PCDHGA3: variants seen among roughly 807,000 people sequenced by gnomAD.
PCDHGA3 encodes protocadherin gamma-A3.
PCDHGA3 carries 40 observed loss-of-function variants against 58.5 expected under a neutral mutation model. The observed-to-expected ratio is 0.68, with a 90% confidence interval of 0.53 to 0.89. The LOEUF (loss-of-function observed/expected upper bound fraction) is 0.89. PCDHGA3 is among the 40% of genes least tolerant of loss of function. The pLI is 0.00. For missense variants in PCDHGA3, 1,223 were observed against 1,195.9 expected (o/e 1.02, Z -0.33); for synonymous variants, 530 against 525.7 (o/e 1.01, Z -0.11).
chr5:141,390,182 A>G (rs771358768), intron 1 of PCDHGA3: 5 of 1,613,870 alleles, frequency 3.1e-6, no homozygotes, highest in Non-Finnish European at 1.7e-6. Flanking sequence ...ATTTCCTAAA[A>G]TGTAGTGAGC....
At chr5:141,458,662 C>A (rs948275548) in intron 1 of PCDHGA3, among the ~76,000 whole-genome samples, 2 of 152,064 alleles carry the variant, frequency 1.3e-5, no homozygotes, top group Non-Finnish European at 2.9e-5. Flanking sequence ...CTCCACCTCT[C>A]GGGTTCAAGC....
At chr5:141,402,962 C>A (rs1482027682) in intron 1 of PCDHGA3, 2 of 1,604,618 alleles carry the variant, frequency 1.2e-6, no homozygotes, top group African/African-American at 2.7e-5. Flanking sequence ...AATGGCAGCT[C>A]CAACCAAATG....
chr5:141,394,679 C>T (rs532730881), intron 1 of PCDHGA3: 1 of 1,612,552 alleles, frequency 6.2e-7, no homozygotes, highest in African/African-American at 1.3e-5. Context: ...TGGGTCTGCA[C>T]ACGGGCGAGG....
rs755169934 is a variant in PCDHGA3 at position 141,384,350 on chromosome 5, A to T, written c.2424+37893A>T. On this transcript the variant is annotated intron_variant, in intron 1 of 3. Coordinates refer to ENST00000253812, the MANE Select transcript of PCDHGA3 (RefSeq NM_018916.4). Reference sequence around the variant, plus strand: ...GCACAGGACCACGACAGTGAGGATAATGCCCAGATCACTTATTCCTTGGCC... The same window carrying T: ...GCACAGGACCACGACAGTGAGGATATTGCCCAGATCACTTATTCCTTGGCC... The T allele has an allele frequency of 1.9e-6, 3 of 1,613,690 alleles. No homozygotes were observed. In the African/African-American group the frequency reaches 4.0e-5, roughly 22 times the overall value.
chr5:141,394,865 G>T (rs2093117021), intron 1 of PCDHGA3: 1 of 1,613,816 alleles, frequency 6.2e-7, no homozygotes, highest in Non-Finnish European at 8.5e-7. Flanking sequence ...CGGTCGACCC[G>T]AACGATTCGA....
intron 1 of PCDHGA3, among the ~76,000 whole-genome samples, chr5:141,369,728 G>A (rs948180332): frequency 2.0e-5 from 3 of 152,180 alleles, no homozygotes; most frequent in Admixed American, 2.0e-4. Context: ...GAAGTTAGAA[G>A]TAAAGGAAAT....
rs539727453 is a variant in PCDHGA3 at position 141,487,510 on chromosome 5, C to G, written c.2425-7297C>G. ...GCTGTACACCCTTGGCTTCTGCACC[C>G]ACTCGGAGTGATAGCTTCATGATGG... On this transcript the variant is annotated intron_variant, in intron 1 of 3. Coordinates refer to ENST00000253812, the MANE Select transcript of PCDHGA3 (RefSeq NM_018916.4). This position sits in a 1 kb window ranked among gnomAD's most constrained non-coding sequence, Gnocchi z 5.0. The G allele has an allele frequency of 2.5e-6, 4 of 1,614,210 alleles. No homozygotes were observed. The highest frequency in any genetic ancestry group is 2.2e-5 in the East Asian group (1 of 44,860).
rs774354457 is a variant in PCDHGA3 at position 141,409,462 on chromosome 5, CA to C, written c.2424+63006del. 8.1e-6 allele frequency: 13 copies of C among 1,613,870 alleles called. No individual in the cohort carries two copies. The East Asian group carries it at 2.9e-4, about 36-fold the overall frequency. On this transcript the variant is annotated intron_variant, in intron 1 of 3. Coordinates refer to ENST00000253812, the MANE Select transcript of PCDHGA3 (RefSeq NM_018916.4). ...GAGAGCAGACACCAGAATACAATGT[CA>C]CCATCGTAGCCACTGACAGGGGCAA... is the stretch of plus-strand genomic sequence containing the variant.
At chr5:141,362,691 T>C (rs1762634639) in intron 1 of PCDHGA3, 2 of 1,109,006 alleles carry the variant, frequency 1.8e-6, no homozygotes, top group South Asian at 1.7e-5. Context: ...TAATCTTATC[T>C]AACTGAATTT....
chr5:141,453,288 A>ATTAT (rs577328880), intron 1 of PCDHGA3, among the ~76,000 whole-genome samples: 1,792 of 151,444 alleles, frequency 0.012, 41 homozygotes, highest in African/African-American at 0.034. Context: ...TAATTTTTTA[A>ATTAT]TTATTTATTT....
chr5:141,347,616 G>C (rs1322206941), intron 1 of PCDHGA3, among the ~76,000 whole-genome samples: 1 of 152,010 alleles, frequency 6.6e-6, no homozygotes, highest in Non-Finnish European at 1.5e-5. Flanking sequence ...GTGAAAGCCT[G>C]TCTCTACTAA....
At position 141,427,172 on chromosome 5, in the gene PCDHGA3, TG is replaced by T. The variant is rs757372749; in HGVS notation, c.2425-67631del. ...ATATGTTTGTGCTAGACCATCAAAA[TG>T]GGGAAATTAAATCCAAAGACTTAAT... On this transcript the variant is annotated intron_variant, in intron 1 of 3. Coordinates refer to ENST00000253812, the MANE Select transcript of PCDHGA3 (RefSeq NM_018916.4). The T allele has an allele frequency of 3.9e-5, 18 of 456,596 alleles. 1 individual carries two copies. The highest frequency in any genetic ancestry group is 2.6e-4 in the South Asian group (17 of 64,568). 28.3% of individuals were successfully genotyped at this position (456,596 alleles called of 1,614,324 possible). A position where few individuals can be genotyped will look rare whatever the true frequency, so the allele number is the denominator to read the frequency against.
chr5:141,449,078 C>T (rs1342751417), intron 1 of PCDHGA3, among the ~76,000 whole-genome samples: 1 of 152,052 alleles, frequency 6.6e-6, no homozygotes, highest in Non-Finnish European at 1.5e-5. Flanking sequence ...AGCCCTGTAC[C>T]TACATCAGTT....
At chr5:141,368,650 G>GA (rs1765784574) in intron 1 of PCDHGA3, among the ~76,000 whole-genome samples, 1 of 152,076 alleles carries the variant, frequency 6.6e-6, no homozygotes, top group Non-Finnish European at 1.5e-5. Context: ...TTGTGCAATG[G>GA]AAAAATATCT....
intron 1 of PCDHGA3, among the ~76,000 whole-genome samples, chr5:141,492,927 G>C (rs925569925): frequency 6.6e-6 from 1 of 152,180 alleles, no homozygotes; most frequent in Non-Finnish European, 1.5e-5. Context: ...AGCGATCTAG[G>C]GTCAGAGATT....
In PCDHGA3 at chr5:141,491,410, G is replaced by T. The variant is rs777207581; in HGVS notation, c.2425-3397G>T. On this transcript the variant is annotated intron_variant, in intron 1 of 3. Transcript: ENST00000253812. The surrounding 1 kb of genome is among the most constrained non-coding windows in gnomAD (Gnocchi z 6.9). ...GTGCCTTCAGGGAAACGCAGACGGG[G>T]ACGGGGGTGGAGGGCAGTGCTGCAG... 28 of 1,614,142 alleles carry T rather than the reference G, an allele frequency of 1.7e-5. No individual in the cohort carries two copies. The highest frequency in any genetic ancestry group is 2.4e-5 in the Non-Finnish European group (28 of 1,180,034).
At chr5:141,384,606 AGAT>A (rs1561603197) in intron 1 of PCDHGA3, 6 of 1,614,152 alleles carry the variant, frequency 3.7e-6, no homozygotes, top group Non-Finnish European at 5.1e-6. Flanking sequence ...CCCTCCCCAC[AGAT>A]GGTTCTACTG....
intron 1 of PCDHGA3, chr5:141,365,896 T>A: frequency 6.2e-6 from 10 of 1,614,212 alleles, no homozygotes; most frequent in Non-Finnish European, 8.5e-6. Flanking sequence ...CCTTCGACTA[T>A]GAGCAGTTGA....
intron 1 of PCDHGA3, chr5:141,423,720 A>T: frequency 3.1e-6 from 3 of 957,770 alleles, no homozygotes; most frequent in Admixed American, 5.5e-5. Context: ...TTTTAAGGAG[A>T]TGTTTTTTGA....
Sources: gnomAD v4.1 joint callset for allele counts (sites outside exome capture counted in the v4.1 genomes callset) on GRCh38, gnomAD v4.1.1 for gene constraint, Gnocchi (gnomAD v3.1) non-coding constraint, MANE v1.5 for transcripts, NCBI Gene and HGNC (gene_info 2026-07-23, HGNC 2026-07-21) for gene names.